The following NDFIP1 variants were observed in gnomAD, a reference collection of about 807,000 sequenced individuals.
NDFIP1 encodes Nedd4 family interacting protein 1.
Under a neutral mutation model 28.8 loss-of-function variants are expected in NDFIP1, and 7 were observed. The observed-to-expected ratio is 0.24, with a 90% CI of 0.14 to 0.46. The LOEUF (loss-of-function observed/expected upper bound fraction) is 0.46, where lower values mean the gene tolerates loss of function less well. Ranked by LOEUF, NDFIP1 falls within the 20% of genes least tolerant of loss-of-function variation. The pLI, the probability that NDFIP1 is intolerant of heterozygous loss-of-function variation, is 0.99. For missense variants in NDFIP1, 194 were observed against 269.1 expected (o/e 0.72, Z 1.95); for synonymous variants, 92 against 101.0 (o/e 0.91, Z 0.53).
intron 1 of NDFIP1, among the ~76,000 whole-genome samples, chr5:142,128,067 T>C (rs1757188143): frequency 6.6e-6 from 1 of 152,166 alleles, no homozygotes; most frequent in African/African-American, 2.4e-5. Context: ...ACTCAAAGGA[T>C]ATCCCCCCTA....
At chr5:142,134,919 T>C (rs1179423445) in intron 3 of NDFIP1, among the ~76,000 whole-genome samples, 1 of 152,156 alleles carries the variant, frequency 6.6e-6, no homozygotes, top group Admixed American at 6.5e-5. Flanking sequence ...ACTATTCATG[T>C]ATGATCGTAC....
chr5:142,122,808 A>G (rs1757133736), intron 1 of NDFIP1, among the ~76,000 whole-genome samples: 1 of 151,784 alleles, frequency 6.6e-6, no homozygotes, highest in South Asian at 2.1e-4. Context: ...CCCTTTTTTT[A>G]TTGAATGGCT....
intron 1 of NDFIP1, among the ~76,000 whole-genome samples, chr5:142,117,748 A>G (rs1456161663): frequency 1.8e-4 from 4 of 22,364 alleles, no homozygotes; most frequent in Non-Finnish European, 2.5e-4. Context: ...TTTTTTTTTG[A>G]GACAGGGCCT....
intron 1 of NDFIP1, among the ~76,000 whole-genome samples, 155 bp from the exon 2 acceptor site, chr5:142,131,653 G>T (rs978624553): frequency 1.3e-5 from 2 of 152,070 alleles, no homozygotes; most frequent in Non-Finnish European, 2.9e-5. Context: ...TAACTTCCTG[G>T]GAGTAGAATA....
At chr5:142,112,177 A>G (rs192925515) in intron 1 of NDFIP1, among the ~76,000 whole-genome samples, 1 of 152,166 alleles carries the variant, frequency 6.6e-6, no homozygotes, top group Non-Finnish European at 1.5e-5. Flanking sequence ...CACGAGGTCA[A>G]GAGATTGAGA....
intron 1 of NDFIP1, among the ~76,000 whole-genome samples, chr5:142,122,951 G>A (rs1328493984): frequency 6.6e-5 from 10 of 152,014 alleles, no homozygotes; most frequent in South Asian, 2.1e-4. Flanking sequence ...TAGAGTTCTC[G>A]TGTGTGTGTT....
At position 142,147,429 on chromosome 5, in the gene NDFIP1, TC is replaced by T. The variant is rs537978946; in HGVS notation, c.*2+2755del. 2.7e-3 allele frequency among the ~76,000 whole-genome samples: 407 copies of T among 152,316 alleles called. 2 individuals carry two copies. The highest frequency in any genetic ancestry group is 9.4e-3 in the African/African-American group (389 of 41,572). On this transcript the variant is annotated intron_variant, in intron 7 of 7. Transcript: ENST00000253814. Reference sequence around the variant, plus strand: ...GTGAAGTAAGAAAGCTTTATTTTTTTCCTCCCTATCGATTCTTTATTATGCT... The same window carrying T: ...GTGAAGTAAGAAAGCTTTATTTTTTTCTCCCTATCGATTCTTTATTATGCT...
chr5:142,113,382 C>G (rs1337100964), intron 1 of NDFIP1, among the ~76,000 whole-genome samples: 1 of 152,034 alleles, frequency 6.6e-6, no homozygotes, highest in African/African-American at 2.4e-5. Context: ...GCTTATGTGG[C>G]TTTTTTGCTT....
chr5:142,129,752 A>G (rs1757206846), intron 1 of NDFIP1, among the ~76,000 whole-genome samples: 1 of 152,000 alleles, frequency 6.6e-6, no homozygotes, highest in Non-Finnish European at 1.5e-5. Context: ...CGTCTACTAA[A>G]AATACAAAAA....
chr5:142,112,771 G>A (rs1355193808), intron 1 of NDFIP1, among the ~76,000 whole-genome samples: 2 of 147,698 alleles, frequency 1.4e-5, no homozygotes, highest in Non-Finnish European at 3.0e-5. Context: ...GGGCGACGAA[G>A]TGAGACTCTG....
At chr5:142,136,434 C>CTA (rs1023423487) in intron 4 of NDFIP1, among the ~76,000 whole-genome samples, 13 of 151,940 alleles carry the variant, frequency 8.6e-5, no homozygotes, top group Admixed American at 3.3e-4. Flanking sequence ...ATTTACTGGA[C>CTA]TATATATATA....
At chr5:142,123,574 T>C (rs566855820) in intron 1 of NDFIP1, among the ~76,000 whole-genome samples, 13 of 152,236 alleles carry the variant, frequency 8.5e-5, no homozygotes, top group Non-Finnish European at 1.3e-4. Context: ...GTTTCTATTT[T>C]AGAGCTTTAA....
intron 6 of NDFIP1, among the ~76,000 whole-genome samples, chr5:142,141,168 CTTTTTTTTTTT>C (rs1161113130): frequency 0.032 from 1,919 of 60,006 alleles, 57 homozygotes; most frequent in African/African-American, 0.11. Context: ...GGCAAGAGGA[CTTTTTTTTTTT>C]TTTTTTTTTT....
chr5:142,109,856 C>T (rs906195080), intron 1 of NDFIP1, among the ~76,000 whole-genome samples: 1 of 152,162 alleles, frequency 6.6e-6, no homozygotes, highest in Non-Finnish European at 1.5e-5. Flanking sequence ...TAGAGACCTT[C>T]TGCAGGGTTT....
chr5:142,119,402 C>G (rs1270325663), intron 1 of NDFIP1, among the ~76,000 whole-genome samples: 1 of 152,244 alleles, frequency 6.6e-6, no homozygotes, highest in Non-Finnish European at 1.5e-5. Context: ...AAAAACTCTA[C>G]TTATTTCCAA....
At chr5:142,125,341 A>C (rs1339243948) in intron 1 of NDFIP1, among the ~76,000 whole-genome samples, 2 of 151,984 alleles carry the variant, frequency 1.3e-5, no homozygotes, top group Non-Finnish European at 1.5e-5. Context: ...CTTGGAGTGG[A>C]ATTGCTTGAT....
intron 7 of NDFIP1, among the ~76,000 whole-genome samples, chr5:142,151,227 C>T (rs1757443922): frequency 6.6e-6 from 1 of 152,084 alleles, no homozygotes; most frequent in African/African-American, 2.4e-5. Flanking sequence ...TGAGTTTATC[C>T]TTGTTTTCTA....
chr5:142,135,837 A>C lies in NDFIP1; in HGVS notation c.370+20A>C. The C allele has an allele frequency of 1.3e-6, 2 of 1,557,304 alleles. No homozygotes were observed. Among genetic ancestry groups the C allele is most frequent in the Non-Finnish European group, 1.8e-6 (2 of 1,128,988 alleles). ...TTTTCAGTAAGTATGTATGCATATC[A>C]GAACCACCCCCTACAAACTAGAGTG... On this transcript the variant is annotated intron_variant, in intron 4 of 7. Transcript: ENST00000253814.
At position 142,139,657 on chromosome 5, in the gene NDFIP1, C is replaced by T. The variant is rs147503312; in HGVS notation, c.496-906C>T. 6.2e-3 allele frequency among the ~76,000 whole-genome samples: 948 copies of T among 152,196 alleles called. 2 individuals carry two copies. The highest frequency in any genetic ancestry group is 0.01 in the Non-Finnish European group (710 of 68,022). On this transcript the variant is annotated intron_variant, in intron 5 of 7. Transcript: ENST00000253814. ...TGGCATCCTGTGCCCATTCCTAAAC[C>T]AGCAAGGGAAGGGGATTACCCTGGT...
Sources: gnomAD v4.1 joint callset for allele counts (sites outside exome capture counted in the v4.1 genomes callset) on GRCh38, gnomAD v4.1.1 for gene constraint, MANE v1.5 for transcripts, NCBI Gene and HGNC (gene_info 2026-07-23, HGNC 2026-07-21) for gene names.